The following PPME1 variants were observed in gnomAD, a reference collection of about 807,000 sequenced individuals.
PPME1 encodes the protein protein phosphatase methylesterase 1.
A neutral mutation model predicts 56.9 loss-of-function variants in PPME1; 17 were observed. The observed-to-expected ratio is 0.30, with a 90% CI of 0.20 to 0.45. PPME1 has a LOEUF of 0.45. PPME1 is among the 20% of genes least tolerant of loss of function. The pLI is 1.00. For missense variants in PPME1, 357 were observed against 483.2 expected (o/e 0.74, Z 2.45); for synonymous variants, 122 against 156.2 (o/e 0.78, Z 1.63).
At chr11:74,249,993 T>C (rs1231061192) in intron 11 of PPME1, 1 of 152,208 alleles carries the variant, frequency 6.6e-6, no homozygotes, top group Non-Finnish European at 1.5e-5. Context: ...TGGCCTCAGT[T>C]TCATCATCTC....
intron 3 of PPME1, among the ~76,000 whole-genome samples, chr11:74,213,608 C>A (rs1310577538): frequency 1.3e-5 from 2 of 152,198 alleles, no homozygotes; most frequent in African/African-American, 4.8e-5. Context: ...GTCACTCCAC[C>A]CCCAGCTCCA....
intron 7 of PPME1, among the ~76,000 whole-genome samples, chr11:74,232,860 A>ATTTTTTTTTTTTT (rs35057762): frequency 3.2e-5 from 3 of 93,860 alleles, no homozygotes; most frequent in African/African-American, 4.6e-5. Flanking sequence ...TTGTTATTTG[A>ATTTTTTTTTTTTT]TTTTTTTTTT....
chr11:74,185,646 A>G (rs1045131983), intron 1 of PPME1, among the ~76,000 whole-genome samples: 4 of 142,190 alleles, frequency 2.8e-5, no homozygotes, highest in Admixed American at 6.9e-5. Flanking sequence ...AGTTGTCATT[A>G]TATCTTTTTT....
intron 1 of PPME1, among the ~76,000 whole-genome samples, chr11:74,188,300 C>T (rs1016773037): frequency 6.6e-6 from 1 of 151,330 alleles, no homozygotes. Flanking sequence ...CAATTCTCTG[C>T]CTCAGCCTTC....
At chr11:74,171,564 G>A in intron 1 of PPME1, 42 bp downstream of exon 1, 3 of 1,558,642 alleles carry the variant, frequency 1.9e-6, no homozygotes, top group Non-Finnish European at 2.6e-6. Flanking sequence ...CCAGGCCCCA[G>A]CCGTTGGAGA....
intron 2 of PPME1, among the ~76,000 whole-genome samples, 199 bp from the exon 3 acceptor site, chr11:74,204,154 T>C (rs1457545764): frequency 1.3e-5 from 2 of 152,050 alleles, no homozygotes; most frequent in African/African-American, 4.8e-5. Context: ...GAATTTTTTT[T>C]TTTTTTTCAT....
At chr11:74,211,364 C>G (rs1858469983) in intron 3 of PPME1, among the ~76,000 whole-genome samples, 1 of 152,050 alleles carries the variant, frequency 6.6e-6, no homozygotes, top group African/African-American at 2.4e-5. Context: ...AAAGAGCAAT[C>G]TGGTCTTTCA....
chr11:74,226,581 A>G (rs550868888), intron 5 of PPME1, among the ~76,000 whole-genome samples: 3 of 152,306 alleles, frequency 2.0e-5, no homozygotes, highest in African/African-American at 7.2e-5. Flanking sequence ...ATGATTTTTA[A>G]GGAAGTAAAG....
In PPME1 at chr11:74,253,547, G is replaced by C. The variant is rs1859759089; in HGVS notation, c.*37G>C. 1.3e-6 allele frequency: 2 copies of C among 1,584,074 alleles called. No individual in the cohort carries two copies. Among genetic ancestry groups the C allele is most frequent in the South Asian group, 1.1e-5 (1 of 90,426 alleles). The stretch of plus-strand genomic sequence containing the variant: ...CCACCCCTCCTCAACATCGAGCTCT[G>C]TTGTAAATACGTCGCACCAGAGGCC... On this transcript the variant is annotated 3_prime_UTR_variant, in exon 14 of 14. Coordinates refer to ENST00000328257, the MANE Select transcript of PPME1 (RefSeq NM_016147.3).
rs563175143 is a variant in PPME1, at chr11:74,230,347, A to G, written c.501A>G (p.Ser167=). The G allele has an allele frequency of 3.7e-5, 59 of 1,613,794 alleles. 1 individual carries two copies. The highest frequency in any genetic ancestry group is 1.2e-4 in the Admixed American group (7 of 59,986). The change falls in exon 6 of 14, where the codon TCA becomes TCG. Residue 167 remains serine (S), a synonymous_variant. Transcript: ENST00000328257. The surrounding 1 kb of genome is among the most constrained non-coding windows in gnomAD (Gnocchi z 4.9). ...MGGAIAVHTA[S]SNLVPSLLGL... is the part of the protein sequence containing the mutation. ...GTGCTATTGCAGTCCACACAGCATC[A>G]TCCAACCTGGTACCAAGCCTCTTGG...
At chr11:74,237,507 C>A in intron 8 of PPME1, among the ~76,000 whole-genome samples, 1 of 151,728 alleles carries the variant, frequency 6.6e-6, no homozygotes, top group East Asian at 1.9e-4. Flanking sequence ...TATCTCCTGA[C>A]CTCATGATCC....
chr11:74,197,601 A>G (rs898538872), intron 1 of PPME1, among the ~76,000 whole-genome samples: 1 of 152,232 alleles, frequency 6.6e-6, no homozygotes, highest in African/African-American at 2.4e-5. Context: ...GTGACTGCCC[A>G]AAGTCCCATA....
chr11:74,239,135 G>A lies in PPME1; in HGVS notation c.713G>A (p.Cys238Tyr). The change falls in exon 9 of 14, where the codon TGT (cysteine) becomes TAT (tyrosine). Residue 238 changes from cysteine to tyrosine, a missense_variant and splice_region_variant. Physicochemically the swap from Cys to Tyr is radical, Grantham distance 194. Coordinates refer to ENST00000328257, the MANE Select transcript of PPME1 (RefSeq NM_016147.3). ...RVSMVGQVKQCEGITSPEGSK... is the reference protein window; with the variant it reads ...RVSMVGQVKQYEGITSPEGSK... ...AGCACTTTTTTAAAAAAACCTAGGTGTGAAGGAATTACAAGTCCAGAAGGC... is the reference window on the plus strand; with the variant it reads ...AGCACTTTTTTAAAAAAACCTAGGTATGAAGGAATTACAAGTCCAGAAGGC... 1.2e-6 allele frequency: 2 copies of A among 1,611,518 alleles called. No individual in the cohort carries two copies. Among genetic ancestry groups the A allele is most frequent in the Non-Finnish European group, 1.7e-6 (2 of 1,179,032 alleles).
At chr11:74,221,903 T>A (rs879514912) in intron 3 of PPME1, among the ~76,000 whole-genome samples, 1 of 152,184 alleles carries the variant, frequency 6.6e-6, no homozygotes, top group Non-Finnish European at 1.5e-5. Flanking sequence ...TTGTCATGTT[T>A]CTGTGATGTC....
At position 74,253,971 on chromosome 11, in the gene PPME1, T is replaced by C. The variant is rs116060399; in HGVS notation, c.*461T>C. 3.7e-3 allele frequency: 649 copies of C among 177,476 alleles called. 4 individuals carry two copies. The highest frequency in any genetic ancestry group is 0.015 in the African/African-American group (621 of 42,384). 11.0% of individuals were successfully genotyped at this position (177,476 alleles called of 1,614,324 possible). A position where few individuals can be genotyped will look rare whatever the true frequency, so the allele number is the denominator to read the frequency against. On this transcript the variant is annotated 3_prime_UTR_variant, in exon 14 of 14. Transcript: ENST00000328257. ...GTGGTCTTTATTTTTCCCTTTCAAATAAAACACTAGTCAGGTACCGTTTTA... is the reference window on the plus strand; with the variant it reads ...GTGGTCTTTATTTTTCCCTTTCAAACAAAACACTAGTCAGGTACCGTTTTA...
At chr11:74,198,467 T>C (rs966877703) in intron 1 of PPME1, among the ~76,000 whole-genome samples, 1 of 152,188 alleles carries the variant, frequency 6.6e-6, no homozygotes, top group African/African-American at 2.4e-5. Context: ...TTTTCTTGTT[T>C]GTTTGATTTT....
intron 1 of PPME1, among the ~76,000 whole-genome samples, chr11:74,196,163 C>G (rs937748398): frequency 5.3e-5 from 8 of 152,152 alleles, no homozygotes; most frequent in Admixed American, 5.2e-4. Flanking sequence ...GACTTCAGAG[C>G]CCATGTTCTT....
chr11:74,226,507 A>G (rs1324262905), intron 5 of PPME1, among the ~76,000 whole-genome samples: 1 of 152,254 alleles, frequency 6.6e-6, no homozygotes, highest in African/African-American at 2.4e-5. Context: ...GCCTTCATTA[A>G]TATGAGAGCA....
intron 3 of PPME1, among the ~76,000 whole-genome samples, chr11:74,217,255 A>ATTCAGGCTGGGC (rs1218471473): frequency 6.6e-6 from 1 of 152,168 alleles, no homozygotes; most frequent in African/African-American, 2.4e-5. Flanking sequence ...TACAAAGATT[A>ATTCAGGCTGGGC]TTCAGGCTGG....
Sources: gnomAD v4.1 joint callset for allele counts (sites outside exome capture counted in the v4.1 genomes callset) on GRCh38, gnomAD v4.1.1 for gene constraint, Gnocchi (gnomAD v3.1) non-coding constraint, MANE v1.5 for transcripts, NCBI Gene and HGNC (gene_info 2026-07-23, HGNC 2026-07-21) for gene names.